The following MGAT4C variants were observed in gnomAD, a reference collection of about 807,000 sequenced individuals.
MGAT4C encodes the protein MGAT4 family member C, also known as alpha-1,3-mannosyl-glycoprotein 4-beta-N-acetylglucosaminyltransferase C.
A neutral mutation model predicts 40.1 loss-of-function variants in MGAT4C; 19 were observed. That is an observed-to-expected ratio of 0.47 (90% CI 0.33 to 0.70). The LOEUF (loss-of-function observed/expected upper bound fraction) is 0.70, where lower values mean the gene tolerates loss of function less well. MGAT4C is among the 30% of genes least tolerant of loss of function. The probability of loss-of-function intolerance (pLI) is 0.02; values close to 1 mark genes in which losing one functional copy is unlikely to be tolerated. For missense variants in MGAT4C, 491 were observed against 563.2 expected (o/e 0.87, Z 1.30); for synonymous variants, 181 against 187.1 (o/e 0.97, Z 0.27).
intron 1 of MGAT4C, among the ~76,000 whole-genome samples, chr12:86,738,373 T>G (rs190047816): frequency 2.8e-4 from 42 of 151,590 alleles, no homozygotes; most frequent in African/African-American, 1.0e-3. Context: ...TTTAAAAAAT[T>G]GTATCACTTG....
intron 1 of MGAT4C, among the ~76,000 whole-genome samples, chr12:86,798,495 T>C (rs577110083): frequency 4.6e-5 from 7 of 151,980 alleles, no homozygotes; most frequent in Non-Finnish European, 8.8e-5. Flanking sequence ...TGTGCATCTC[T>C]TTTTCTTATT....
intron 3 of MGAT4C, among the ~76,000 whole-genome samples, chr12:85,986,440 T>C (rs2136704871): frequency 6.6e-6 from 1 of 152,338 alleles, no homozygotes; most frequent in East Asian, 1.9e-4. Flanking sequence ...CTTGTAACGG[T>C]GTTTGTCTCT....
intron 2 of MGAT4C, among the ~76,000 whole-genome samples, chr12:86,628,503 C>T (rs1353237851): frequency 1.3e-5 from 2 of 152,054 alleles, no homozygotes; most frequent in Admixed American, 6.5e-5. Flanking sequence ...AGAGAAAGGT[C>T]GGGTTACACA....
intron 2 of MGAT4C, among the ~76,000 whole-genome samples, chr12:86,519,220 C>A (rs541010534): frequency 2.0e-4 from 31 of 152,126 alleles, no homozygotes; most frequent in Non-Finnish European, 3.7e-4. Context: ...TATGTTGCTG[C>A]AAATGACAGG....
chr12:86,201,114 A>G (rs1425066603), intron 1 of MGAT4C, among the ~76,000 whole-genome samples: 1 of 152,232 alleles, frequency 6.6e-6, no homozygotes, highest in Non-Finnish European at 1.5e-5. Flanking sequence ...ACAGATTTTT[A>G]GCAAATACTT....
At chr12:86,048,906 T>C (rs535817034) in intron 2 of MGAT4C, among the ~76,000 whole-genome samples, 166 of 152,066 alleles carry the variant, frequency 1.1e-3, no homozygotes, top group Middle Eastern at 3.4e-3. Flanking sequence ...TATAATAAAC[T>C]ATTCAGTGGT....
chr12:86,395,904 T>C (rs1956252164), intron 3 of MGAT4C, among the ~76,000 whole-genome samples: 1 of 152,150 alleles, frequency 6.6e-6, no homozygotes, highest in Admixed American at 6.5e-5. Flanking sequence ...TGCTGCAGAA[T>C]AATAATATGT....
intron 2 of MGAT4C, among the ~76,000 whole-genome samples, chr12:86,633,516 A>G (rs987241667): frequency 1.3e-5 from 2 of 152,138 alleles, no homozygotes; most frequent in Admixed American, 1.3e-4. Flanking sequence ...CTCATTACTA[A>G]GAAAATAATA....
In MGAT4C at chr12:86,278,831, T is replaced by G. The variant is rs1020676440; in HGVS notation, c.-57+55234A>C. ...CAACTCTGTCATATATGGCTTTTGTTGTGTTAAGCTATATTCCTTCTATAC... is the reference window on the plus strand; with the variant it reads ...CAACTCTGTCATATATGGCTTTTGTGGTGTTAAGCTATATTCCTTCTATAC... On this transcript the variant is annotated intron_variant, in intron 4 of 7. Transcript: ENST00000548651. Among the ~76,000 whole-genome samples the G allele has an allele frequency of 5.3e-5, 8 of 152,224 alleles. No homozygotes were observed. In the East Asian group the frequency reaches 1.3e-3, roughly 26 times the overall value.
chr12:86,715,745 G>T (rs933227660), intron 2 of MGAT4C, among the ~76,000 whole-genome samples: 3 of 152,082 alleles, frequency 2.0e-5, no homozygotes, highest in Non-Finnish European at 4.4e-5. Context: ...ATATGCTTTA[G>T]CTAGACTTAT....
At chr12:86,438,327 T>C (rs559661450) in intron 2 of MGAT4C, among the ~76,000 whole-genome samples, 39 of 152,010 alleles carry the variant, frequency 2.6e-4, no homozygotes, top group African/African-American at 9.2e-4. Context: ...TTGAGGAAGC[T>C]GAAGAAGAAA....
At chr12:86,373,928 T>C (rs1040832854) in intron 3 of MGAT4C, among the ~76,000 whole-genome samples, 1 of 152,070 alleles carries the variant, frequency 6.6e-6, no homozygotes, top group Non-Finnish European at 1.5e-5. Flanking sequence ...CACTGCTGTA[T>C]ACAGCTGTAA....
chr12:86,279,500 A>C (rs771402801), intron 4 of MGAT4C, among the ~76,000 whole-genome samples: 2 of 151,826 alleles, frequency 1.3e-5, no homozygotes, highest in Non-Finnish European at 2.9e-5. Flanking sequence ...GTCAGTTGTA[A>C]GTCTCCTTTT....
chr12:86,593,260 T>C (rs545139342), intron 2 of MGAT4C, among the ~76,000 whole-genome samples: 1 of 80,114 alleles, frequency 1.2e-5, no homozygotes, highest in Admixed American at 1.5e-4. Context: ...TCTAGGAATT[T>C]AAGTATTTTT....
chr12:86,834,155 T>C (rs12821221), intron 1 of MGAT4C, among the ~76,000 whole-genome samples: 14,653 of 148,996 alleles, frequency 0.098, 982 homozygotes, highest in Non-Finnish European at 0.14. Context: ...TACAGATCTA[T>C]CTATAGATAG....
intron 3 of MGAT4C, among the ~76,000 whole-genome samples, chr12:86,348,422 A>G (rs1955087143): frequency 6.6e-6 from 1 of 151,900 alleles, no homozygotes; most frequent in Non-Finnish European, 1.5e-5. Flanking sequence ...TTTTTTCCAC[A>G]TAAATCTTCA....
At chr12:86,702,322 G>A (rs1256513561) in intron 2 of MGAT4C, among the ~76,000 whole-genome samples, 1 of 151,910 alleles carries the variant, frequency 6.6e-6, no homozygotes, top group Non-Finnish European at 1.5e-5. Flanking sequence ...TGGGATTATG[G>A]GTGTGCACCA....
At chr12:86,136,051 T>A (rs1000364744) in intron 1 of MGAT4C, among the ~76,000 whole-genome samples, 12 of 152,204 alleles carry the variant, frequency 7.9e-5, no homozygotes, top group African/African-American at 2.7e-4. Flanking sequence ...AGAATTAGTT[T>A]TGCTTCATTT....
chr12:86,668,488 A>T (rs1170684695), intron 2 of MGAT4C, among the ~76,000 whole-genome samples: 1 of 152,182 alleles, frequency 6.6e-6, no homozygotes, highest in Admixed American at 6.5e-5. Flanking sequence ...TGGAGACATT[A>T]TAAGGCAAAG....
Sources: allele counts gnomAD v4.1 joint callset (sites outside exome capture counted in the v4.1 genomes callset), GRCh38; gene constraint gnomAD v4.1.1; transcripts MANE v1.5; gene names NCBI Gene and HGNC (gene_info 2026-07-23, HGNC 2026-07-21).